PHACTR3: variants seen among roughly 807,000 people sequenced by gnomAD.
The protein encoded by PHACTR3 is phosphatase and actin regulator 3, also known as protein phosphatase 1, regulatory subunit 123.
A neutral mutation model predicts 66.8 loss-of-function variants in PHACTR3; 16 were observed. That is an observed-to-expected ratio of 0.24 (90% CI 0.16 to 0.36). The LOEUF (loss-of-function observed/expected upper bound fraction) is 0.36. PHACTR3 is among the 10% of genes least tolerant of loss of function. The probability of loss-of-function intolerance (pLI) is 1.00; values close to 1 mark genes in which losing one functional copy is unlikely to be tolerated. For missense variants in PHACTR3, 647 were observed against 719.9 expected, an observed-to-expected ratio of 0.90 and a Z score of 1.16; for synonymous variants, 323 against 292.1, an observed-to-expected ratio of 1.11 and a Z score of -1.08.
intron 1 of PHACTR3, among the ~76,000 whole-genome samples, chr20:59,718,801 T>C (rs1321856520): frequency 6.6e-6 from 1 of 152,168 alleles, no homozygotes; most frequent in Non-Finnish European, 1.5e-5. Flanking sequence ...TTAAAAAGGG[T>C]GTCAACATAT....
intron 1 of PHACTR3, among the ~76,000 whole-genome samples, chr20:59,722,084 T>C (rs1032124972): frequency 5.9e-5 from 9 of 151,940 alleles, no homozygotes; most frequent in Admixed American, 1.3e-4. Flanking sequence ...ACAGAAAAAT[T>C]AGCCGGGTGT....
At chr20:59,725,300 G>A (rs1304908613) in intron 1 of PHACTR3, among the ~76,000 whole-genome samples, 1 of 151,698 alleles carries the variant, frequency 6.6e-6, no homozygotes, top group Admixed American at 6.6e-5. Flanking sequence ...GTGGATGTGA[G>A]TTCAGTGAGG....
chr20:59,697,933 G>T (rs191657581), intron 1 of PHACTR3, among the ~76,000 whole-genome samples: 7 of 152,264 alleles, frequency 4.6e-5, no homozygotes, highest in Admixed American at 3.9e-4. Context: ...ATATAAATTG[G>T]TATGGCCATC....
Position 59,836,572 on chromosome 20 carries a change from G to A in PHACTR3, c.1384+12G>A. On this transcript the variant is annotated intron_variant, in intron 9 of 12. Transcript: ENST00000371015. ...AAATATCTTGAAACGTGAGTAGCTG[G>A]TGATTCCTCTAGAGGTTTTCCTTCA... is the stretch of plus-strand genomic sequence containing the variant. 1 of 1,610,500 alleles carries A rather than the reference G, an allele frequency of 6.2e-7. No homozygotes were observed. The highest frequency in any genetic ancestry group is 1.3e-5 in the African/African-American group (1 of 74,750).
chr20:59,766,383 G>A (rs1269537671), intron 4 of PHACTR3, among the ~76,000 whole-genome samples: 1 of 152,218 alleles, frequency 6.6e-6, no homozygotes, highest in Non-Finnish European at 1.5e-5. Flanking sequence ...AGAGTTAAAT[G>A]GAAAGGAATC....
chr20:59,642,213 C>T (rs920417589), intron 1 of PHACTR3, among the ~76,000 whole-genome samples: 4 of 152,150 alleles, frequency 2.6e-5, no homozygotes, highest in African/African-American at 9.7e-5. Context: ...GATGCCACCC[C>T]AGCTTACCCT....
chr20:59,810,776 A>G (rs1021313170), intron 8 of PHACTR3, among the ~76,000 whole-genome samples: 2 of 152,172 alleles, frequency 1.3e-5, no homozygotes, highest in Non-Finnish European at 2.9e-5. Flanking sequence ...GAAAGAGTGA[A>G]GCTCTATGCT....
At chr20:59,685,836 C>A (rs929578206) in intron 1 of PHACTR3, among the ~76,000 whole-genome samples, 10 of 152,210 alleles carry the variant, frequency 6.6e-5, no homozygotes, top group Non-Finnish European at 1.3e-4. Context: ...CTGATTGTAT[C>A]TGCCAGTGGG....
intron 3 of PHACTR3, 128 bp downstream of exon 3, chr20:59,747,963 C>A: frequency 2.0e-6 from 2 of 998,290 alleles, no homozygotes; most frequent in Non-Finnish European, 2.9e-6. Context: ...TCAGATGAAG[C>A]CTGCAAGGTT....
At chr20:59,693,939 C>A (rs760476743) in intron 1 of PHACTR3, among the ~76,000 whole-genome samples, 2 of 152,180 alleles carry the variant, frequency 1.3e-5, no homozygotes, top group Non-Finnish European at 2.9e-5. Flanking sequence ...ACGTAAGCCC[C>A]AGTCCAGCCC....
chr20:59,722,495 G>T (rs34411411), intron 1 of PHACTR3, among the ~76,000 whole-genome samples: 10,418 of 152,206 alleles, frequency 0.068, 523 homozygotes, highest in Non-Finnish European at 0.11. Flanking sequence ...GATGGAGAAG[G>T]CACCAAGTGA....
intron 1 of PHACTR3, among the ~76,000 whole-genome samples, chr20:59,654,550 G>A (rs991011112): frequency 6.6e-6 from 1 of 152,058 alleles, no homozygotes; most frequent in African/African-American, 2.4e-5. Context: ...ATATGTAATT[G>A]GAAATATAAA....
At chr20:59,754,406 C>T (rs899766368) in intron 3 of PHACTR3, among the ~76,000 whole-genome samples, 1 of 152,214 alleles carries the variant, frequency 6.6e-6, no homozygotes, top group African/African-American at 2.4e-5. Flanking sequence ...GGGTGTGCCC[C>T]GTTCCTGGGC....
intron 1 of PHACTR3, among the ~76,000 whole-genome samples, chr20:59,651,465 A>G (rs2035456670): frequency 6.6e-6 from 1 of 152,236 alleles, no homozygotes; most frequent in Non-Finnish European, 1.5e-5. Context: ...CCAGCTAGCC[A>G]TATGAACCTT....
intron 5 of PHACTR3, among the ~76,000 whole-genome samples, chr20:59,773,064 G>A (rs1385543680): frequency 4.6e-5 from 7 of 152,192 alleles, no homozygotes; most frequent in African/African-American, 1.7e-4. Context: ...GCCCCTAACA[G>A]GGTTTGCCCT....
intron 1 of PHACTR3, among the ~76,000 whole-genome samples, chr20:59,634,778 C>T (rs1453359850): frequency 3.3e-5 from 5 of 152,244 alleles, no homozygotes; most frequent in Admixed American, 1.3e-4. Flanking sequence ...AGGTCTGCGC[C>T]ATGCCGCCCG....
At chr20:59,701,630 T>C (rs1568725997) in intron 1 of PHACTR3, among the ~76,000 whole-genome samples, 1 of 152,236 alleles carries the variant, frequency 6.6e-6, no homozygotes, top group Non-Finnish European at 1.5e-5. Context: ...AAAAGTGAGT[T>C]CCCATATACC....
At chr20:59,776,801 G>A (rs535844878) in intron 7 of PHACTR3, among the ~76,000 whole-genome samples, 106 of 152,308 alleles carry the variant, frequency 7.0e-4, no homozygotes, top group African/African-American at 1.9e-3. Flanking sequence ...CACTGGAGAC[G>A]GCATCAAAGC....
At position 59,737,577 on chromosome 20, in the gene PHACTR3, C is replaced by T. The variant is rs991151534; in HGVS notation, c.119-5530C>T. ...GTGTCTCTGTGTGCATGTGTGTGTG[C>T]GTGTGTGTGCATGCACACCAGCTGA... On this transcript the variant is annotated intron_variant, in intron 1 of 12. Coordinates refer to ENST00000371015, the MANE Select transcript of PHACTR3 (RefSeq NM_080672.5). 7.9e-5 allele frequency among the ~76,000 whole-genome samples: 12 copies of T among 151,894 alleles called. No homozygotes were observed. The South Asian group carries it at 8.3e-4, about 11-fold the overall frequency.
Sources: gnomAD v4.1 joint callset for allele counts (sites outside exome capture counted in the v4.1 genomes callset) on GRCh38, gnomAD v4.1.1 for gene constraint, MANE v1.5 for transcripts, NCBI Gene and HGNC (gene_info 2026-07-23, HGNC 2026-07-21) for gene names.